Variants in LHFPL6 observed in about 807,000 individuals in gnomAD.
LHFPL6 encodes LHFPL tetraspan subfamily member 6, also known as LHFPL tetraspan subfamily member 6 protein.
In LHFPL6, 9 loss-of-function variants were observed where a neutral mutation model predicts 20.6. That is an observed-to-expected ratio of 0.44 (90% confidence interval 0.26 to 0.76). The LOEUF is 0.76. Among genes scored for constraint, LHFPL6 ranks in the 30% least tolerant of loss-of-function variants. The pLI is 0.20. For missense variants in LHFPL6, 218 were observed against 253.5 expected, an observed-to-expected ratio of 0.86 and a Z score of 0.95; for synonymous variants, 105 against 98.7, an observed-to-expected ratio of 1.06 and a Z score of -0.38.
chr13:39,366,462 C>T (rs532595251), intron 3 of LHFPL6, among the ~76,000 whole-genome samples: 15 of 152,214 alleles, frequency 9.9e-5, no homozygotes, highest in Middle Eastern at 3.4e-3. Flanking sequence ...GTATCCAGTC[C>T]GGAATATGCA....
intron 2 of LHFPL6, among the ~76,000 whole-genome samples, chr13:39,533,153 T>G (rs1214635399): frequency 6.6e-6 from 1 of 152,220 alleles, no homozygotes; most frequent in Non-Finnish European, 1.5e-5. Flanking sequence ...CTCCAATATT[T>G]GATTCCAGAA....
chr13:39,437,858 C>T (rs1425299564), intron 2 of LHFPL6, among the ~76,000 whole-genome samples: 4 of 150,026 alleles, frequency 2.7e-5, no homozygotes, highest in South Asian at 2.1e-4. Context: ...GCTGGGATTG[C>T]GCCACTGCAC....
intron 2 of LHFPL6, among the ~76,000 whole-genome samples, chr13:39,430,486 A>G (rs765200666): frequency 6.6e-6 from 1 of 152,196 alleles, no homozygotes; most frequent in Non-Finnish European, 1.5e-5. Context: ...TTGCCAATAC[A>G]TGTCTGAGTG....
intron 2 of LHFPL6, among the ~76,000 whole-genome samples, chr13:39,507,216 A>G (rs1027454323): frequency 6.6e-6 from 1 of 152,216 alleles, no homozygotes; most frequent in Non-Finnish European, 1.5e-5. Context: ...CATCACGGGT[A>G]GCCAACAGAA....
At chr13:39,585,812 A>C (rs1036221714) in intron 2 of LHFPL6, among the ~76,000 whole-genome samples, 10 of 152,182 alleles carry the variant, frequency 6.6e-5, no homozygotes, top group African/African-American at 2.4e-4. Context: ...TAAGCTATTC[A>C]ATTCAATTTG....
chr13:39,547,411 TA>T (rs1871016103), intron 2 of LHFPL6, among the ~76,000 whole-genome samples: 1 of 152,112 alleles, frequency 6.6e-6, no homozygotes, highest in South Asian at 2.1e-4. Flanking sequence ...CTGAACCTTT[TA>T]ATCCACCAGT....
intron 2 of LHFPL6, among the ~76,000 whole-genome samples, chr13:39,536,536 G>A (rs1051837249): frequency 1.5e-4 from 23 of 152,256 alleles, no homozygotes; most frequent in African/African-American, 5.3e-4. Flanking sequence ...AGGGACTCCT[G>A]GTGGCCTGGC....
At chr13:39,587,000 T>C (rs972281205) in intron 2 of LHFPL6, among the ~76,000 whole-genome samples, 1 of 151,972 alleles carries the variant, frequency 6.6e-6, no homozygotes, top group Non-Finnish European at 1.5e-5. Flanking sequence ...CTCCTAAAAA[T>C]ACAAAAATTA....
intron 2 of LHFPL6, among the ~76,000 whole-genome samples, chr13:39,543,251 T>C (rs1207425864): frequency 6.6e-6 from 1 of 152,230 alleles, no homozygotes; most frequent in Non-Finnish European, 1.5e-5. Context: ...TCCTTAGCCA[T>C]TCACTCTTTC....
At chr13:39,526,111 A>G (rs1020423313) in intron 2 of LHFPL6, among the ~76,000 whole-genome samples, 1 of 152,212 alleles carries the variant, frequency 6.6e-6, no homozygotes, top group Non-Finnish European at 1.5e-5. Flanking sequence ...CATATCCCCA[A>G]ATAGATAGAA....
At chr13:39,373,763 C>T (rs1870218740) in intron 3 of LHFPL6, among the ~76,000 whole-genome samples, 1 of 152,154 alleles carries the variant, frequency 6.6e-6, no homozygotes. Flanking sequence ...AAGCAGCTAA[C>T]AAACATGAGA....
chr13:39,359,136 C>T (rs146990237), intron 3 of LHFPL6, among the ~76,000 whole-genome samples: 2 of 152,222 alleles, frequency 1.3e-5, no homozygotes, highest in East Asian at 1.9e-4. Context: ...ACTCCAGCCT[C>T]GGTAACAGAG....
chr13:39,548,860 C>G (rs1455878492), intron 2 of LHFPL6, among the ~76,000 whole-genome samples: 2 of 151,888 alleles, frequency 1.3e-5, no homozygotes, highest in Non-Finnish European at 2.9e-5. Flanking sequence ...AATGCAGGAG[C>G]CACTCTGGAA....
intron 2 of LHFPL6, among the ~76,000 whole-genome samples, chr13:39,457,493 A>T (rs1027211223): frequency 1.2e-4 from 19 of 152,234 alleles, no homozygotes; most frequent in Non-Finnish European, 2.6e-4. Context: ...GCTGGAAAGG[A>T]TGTGGAGCAA....
intron 2 of LHFPL6, among the ~76,000 whole-genome samples, chr13:39,383,792 T>C (rs993157820): frequency 6.6e-6 from 1 of 152,224 alleles, no homozygotes; most frequent in Admixed American, 6.5e-5. Flanking sequence ...ATAAAAAGGA[T>C]AAACTGGTAT....
intron 2 of LHFPL6, among the ~76,000 whole-genome samples, chr13:39,437,297 G>C (rs1379702556): frequency 6.6e-6 from 1 of 152,216 alleles, no homozygotes; most frequent in East Asian, 1.9e-4. Context: ...GAAGGTGATT[G>C]GATCATGGGG....
chr13:39,590,873 G>A (rs893875060), intron 2 of LHFPL6, among the ~76,000 whole-genome samples: 1 of 152,186 alleles, frequency 6.6e-6, no homozygotes, highest in Admixed American at 6.5e-5. Flanking sequence ...CAGTCTGTTA[G>A]TGAGGTTAAC....
chr13:39,510,824 A>T, intron 2 of LHFPL6, among the ~76,000 whole-genome samples: 1 of 152,304 alleles, frequency 6.6e-6, no homozygotes, highest in East Asian at 1.9e-4. Context: ...TGAAATATAC[A>T]ACTTAAACCT....
chr13:39,528,697 C>T (rs1030558426), intron 2 of LHFPL6, among the ~76,000 whole-genome samples: 14 of 152,132 alleles, frequency 9.2e-5, no homozygotes, highest in African/African-American at 3.1e-4. Context: ...AGTTGCTTCC[C>T]GCACATCTGG....
Sources: gnomAD v4.1 joint callset for allele counts (sites outside exome capture counted in the v4.1 genomes callset) on GRCh38, gnomAD v4.1.1 for gene constraint, MANE v1.5 for transcripts, NCBI Gene and HGNC (gene_info 2026-07-23, HGNC 2026-07-21) for gene names.